Variants in ADAMTSL1 observed in about 807,000 individuals in gnomAD.
The protein encoded by ADAMTSL1 is ADAMTS like 1, also known as ADAMTS-like protein 1.
Under a neutral mutation model 201.8 loss-of-function variants are expected in ADAMTSL1, and 126 were observed. That is an observed-to-expected ratio of 0.62 (90% CI 0.54 to 0.72). ADAMTSL1 has a LOEUF of 0.72. ADAMTSL1 is among the 30% of genes least tolerant of loss of function. ADAMTSL1 has a pLI of 0.00. For synonymous variants in ADAMTSL1, 1,121 were observed against 903.4 expected (o/e 1.24, Z -4.32); for missense variants, 2,679 against 2,277.8 (o/e 1.18, Z -3.59).
intron 1 of ADAMTSL1, among the ~76,000 whole-genome samples, chr9:17,976,276 T>G (rs933519214): frequency 6.6e-6 from 1 of 152,132 alleles, no homozygotes; most frequent in African/African-American, 2.4e-5. Context: ...CAGTGAGATT[T>G]TGATAGAGAT....
At chr9:18,342,511 C>G (rs1426219650) in intron 2 of ADAMTSL1, among the ~76,000 whole-genome samples, 5 of 152,214 alleles carry the variant, frequency 3.3e-5, no homozygotes, top group African/African-American at 1.2e-4. Flanking sequence ...TTACATCTCT[C>G]TAAGTTAGAG....
In ADAMTSL1 at chr9:18,681,878, C is replaced by A; in HGVS notation, c.1408C>A (p.His470Asn). ...VVLCIDHRGM[H>N]TGGCSPKTKP... ...CCTCTGCATCGACCATCGAGGAATG[C>A]ACACAGGAGGCTGTAGCCCAAAAAC... Residue 470 changes from histidine to asparagine, a missense_variant, in exon 12 of 29, where the codon CAC becomes AAC. Coordinates refer to ENST00000380548, the MANE Select transcript of ADAMTSL1 (RefSeq NM_001040272.6). 3 of 1,614,062 alleles carry A rather than the reference C, an allele frequency of 1.9e-6. No individual in the cohort carries two copies.
At chr9:18,870,475 G>T (rs1827819950) in intron 23 of ADAMTSL1, among the ~76,000 whole-genome samples, 1 of 152,138 alleles carries the variant, frequency 6.6e-6, no homozygotes, top group African/African-American at 2.4e-5. Context: ...CTGCTCTTTT[G>T]CTGGGTCCTC....
chr9:18,315,860 G>A (rs1370917441), intron 2 of ADAMTSL1, among the ~76,000 whole-genome samples: 1 of 152,186 alleles, frequency 6.6e-6, no homozygotes, highest in Non-Finnish European at 1.5e-5. Context: ...GCGAGCGAGG[G>A]CTGCTAGCAT....
chr9:18,323,461 C>T (rs964104095), intron 2 of ADAMTSL1, among the ~76,000 whole-genome samples: 3 of 151,940 alleles, frequency 2.0e-5, no homozygotes, highest in Non-Finnish European at 4.4e-5. Context: ...TCCTTTTCCC[C>T]TTAAATTAGA....
rs1191566555 is a variant in ADAMTSL1 at position 18,021,788 on chromosome 9, A to C, written c.87+114866A>C. ...TTATATACTCTTTTAAGCTTATTGCAGATGTGGAGTCTCATGTCAAGAATG... is the reference window on the plus strand; with the variant it reads ...TTATATACTCTTTTAAGCTTATTGCCGATGTGGAGTCTCATGTCAAGAATG... On this transcript the variant is annotated intron_variant, in intron 1 of 29. Coordinates refer to the ADAMTSL1 transcript ENST00000680146. Among the ~76,000 whole-genome samples, 4 of 152,096 alleles carry C rather than the reference A, an allele frequency of 2.6e-5. No individual in the cohort carries two copies. In the South Asian group the frequency reaches 8.3e-4, roughly 32 times the overall value.
chr9:18,308,510 C>G (rs958162471), intron 2 of ADAMTSL1, among the ~76,000 whole-genome samples: 45 of 152,118 alleles, frequency 3.0e-4, no homozygotes, highest in African/African-American at 9.7e-4. Flanking sequence ...GAGGATATCA[C>G]CACCGATCAC....
intron 1 of ADAMTSL1, among the ~76,000 whole-genome samples, chr9:18,060,925 C>G (rs1822422083): frequency 6.6e-6 from 1 of 152,118 alleles, no homozygotes; most frequent in African/African-American, 2.4e-5. Context: ...ATTTCTTTAT[C>G]ACAGAAATTA....
intron 9 of ADAMTSL1, among the ~76,000 whole-genome samples, chr9:18,667,694 C>T (rs750038296): frequency 6.6e-6 from 1 of 152,064 alleles, no homozygotes; most frequent in East Asian, 1.9e-4. Flanking sequence ...ACTAAGATCA[C>T]GGTTATGATG....
intron 20 of ADAMTSL1, among the ~76,000 whole-genome samples, chr9:18,809,414 G>A (rs969123370): frequency 6.6e-6 from 1 of 152,190 alleles, no homozygotes; most frequent in Non-Finnish European, 1.5e-5. Context: ...CTGGAGCACT[G>A]TGATTGATGG....
chr9:18,273,135 G>C (rs1832446339), intron 2 of ADAMTSL1, among the ~76,000 whole-genome samples: 1 of 152,134 alleles, frequency 6.6e-6, no homozygotes, highest in Non-Finnish European at 1.5e-5. Context: ...GCTGGAATGT[G>C]GTGGTGTGAT....
intron 2 of ADAMTSL1, among the ~76,000 whole-genome samples, chr9:18,394,526 A>G (rs73643260): frequency 0.046 from 6,941 of 152,358 alleles, 179 homozygotes; most frequent in Middle Eastern, 0.092. Flanking sequence ...GAATAGGAGA[A>G]TAAGAGAAAG....
At chr9:18,405,573 A>G (rs1587094957) in intron 2 of ADAMTSL1, among the ~76,000 whole-genome samples, 1 of 151,294 alleles carries the variant, frequency 6.6e-6, no homozygotes, top group Non-Finnish European at 1.5e-5. Flanking sequence ...TGCCATGCTC[A>G]TGTTCCTGCA....
chr9:18,434,378 T>C (rs1329727), intron 2 of ADAMTSL1, among the ~76,000 whole-genome samples: 35,277 of 152,052 alleles, frequency 0.23, 4,342 homozygotes, highest in East Asian at 0.44. Context: ...AATTCAATTT[T>C]GGCAAATTTT....
intron 2 of ADAMTSL1, among the ~76,000 whole-genome samples, chr9:18,314,611 T>G (rs947277415): frequency 5.3e-5 from 8 of 151,980 alleles, no homozygotes; most frequent in African/African-American, 1.9e-4. Flanking sequence ...ATGGTCTCGC[T>G]GGCCTCATGA....
chr9:18,121,021 T>G (rs771551357), intron 1 of ADAMTSL1, among the ~76,000 whole-genome samples: 7 of 152,116 alleles, frequency 4.6e-5, no homozygotes, highest in Non-Finnish European at 8.8e-5. Flanking sequence ...TTTTTCCCCT[T>G]ACAAGAAAAT....
chr9:18,411,371 TG>T (rs1433492795), intron 2 of ADAMTSL1, among the ~76,000 whole-genome samples: 3 of 151,686 alleles, frequency 2.0e-5, no homozygotes, highest in Non-Finnish European at 4.4e-5. Context: ...GGCTAATTTT[TG>T]TTTTTTTATA....
intron 2 of ADAMTSL1, among the ~76,000 whole-genome samples, chr9:18,236,857 T>G (rs949787607): frequency 6.6e-6 from 1 of 152,210 alleles, no homozygotes; most frequent in Non-Finnish European, 1.5e-5. Context: ...ATGTAATAAA[T>G]GTCTTATCTT....
intron 1 of ADAMTSL1, among the ~76,000 whole-genome samples, chr9:17,966,361 A>G (rs1041932910): frequency 1.3e-5 from 2 of 152,168 alleles, no homozygotes; most frequent in African/African-American, 4.8e-5. Context: ...AATCAAATAT[A>G]TGACTTAATG....
Sources: allele counts gnomAD v4.1 joint callset (sites outside exome capture counted in the v4.1 genomes callset), GRCh38; gene constraint gnomAD v4.1.1; transcripts MANE v1.5; gene names NCBI Gene and HGNC (gene_info 2026-07-23, HGNC 2026-07-21).